GHR: variants seen among roughly 807,000 people sequenced by gnomAD.
GHR encodes growth hormone receptor, also known as GH receptor.
A neutral mutation model predicts 67.1 loss-of-function variants in GHR; 35 were observed. The ratio of observed to expected loss-of-function variants is 0.52; its 90% CI spans 0.40 to 0.69. The LOEUF is 0.69. GHR is among the 30% of genes least tolerant of loss of function. GHR has a pLI of 0.00. For missense variants in GHR, 792 were observed against 764.6 expected, an observed-to-expected ratio of 1.04 and a Z score of -0.42; for synonymous variants, 272 against 269.1, an observed-to-expected ratio of 1.01 and a Z score of -0.10.
At chr5:42,531,111 T>G (rs1314013417) in intron 1 of GHR, among the ~76,000 whole-genome samples, 1 of 151,842 alleles carries the variant, frequency 6.6e-6, no homozygotes, top group Admixed American at 6.6e-5. Context: ...CTACTAAAAA[T>G]ACAAAAATTA....
chr5:42,689,164 T>A (rs772930488), intron 4 of GHR, 145 bp downstream of exon 4: 2 of 824,852 alleles, frequency 2.4e-6, no homozygotes, highest in Non-Finnish European at 4.2e-6. Flanking sequence ...TTGAAAAAAA[T>A]ATTAATCAAG....
chr5:42,604,680 G>A (rs62371990), intron 2 of GHR, among the ~76,000 whole-genome samples: 34,766 of 150,390 alleles, frequency 0.23, 4,827 homozygotes, highest in Non-Finnish European at 0.29. Flanking sequence ...TTATGAGCCA[G>A]GAACTGTGGA....
At chr5:42,548,920 G>C (rs1235037084) in intron 1 of GHR, among the ~76,000 whole-genome samples, 1 of 152,200 alleles carries the variant, frequency 6.6e-6, no homozygotes, top group East Asian at 1.9e-4. Flanking sequence ...GATACATTTT[G>C]AGAAAGTCAA....
intron 9 of GHR, 151 bp from the exon 10 acceptor site, chr5:42,718,302 T>C: frequency 5.4e-6 from 4 of 740,892 alleles, no homozygotes; most frequent in Non-Finnish European, 6.7e-6. Context: ...CATATGTATT[T>C]AAAAAGTTAC....
At chr5:42,715,300 A>C (rs938368626) in intron 8 of GHR, among the ~76,000 whole-genome samples, 1 of 152,254 alleles carries the variant, frequency 6.6e-6, no homozygotes, top group Non-Finnish European at 1.5e-5. Flanking sequence ...TTTGTCAGCA[A>C]GTATGGACAG....
intron 2 of GHR, among the ~76,000 whole-genome samples, chr5:42,618,941 A>G (rs1003681706): frequency 6.6e-6 from 1 of 152,124 alleles, no homozygotes; most frequent in African/African-American, 2.4e-5. Context: ...TGCCTAGTAT[A>G]GTGCCTTGCA....
intron 1 of GHR, among the ~76,000 whole-genome samples, chr5:42,532,522 GC>G (rs1748021192): frequency 6.6e-6 from 1 of 151,912 alleles, no homozygotes; most frequent in Non-Finnish European, 1.5e-5. Context: ...AAATTTGAAG[GC>G]CCCCGTTTTA....
chr5:42,437,973 C>A (rs1051504428), intron 1 of GHR, among the ~76,000 whole-genome samples: 1 of 151,304 alleles, frequency 6.6e-6, no homozygotes, highest in Non-Finnish European at 1.5e-5. Context: ...CCTCTGATTT[C>A]TAGAGAAAAA....
chr5:42,463,790 G>A (rs994492470), intron 1 of GHR, among the ~76,000 whole-genome samples: 8 of 150,906 alleles, frequency 5.3e-5, no homozygotes, highest in East Asian at 1.9e-4. Flanking sequence ...TCAGGAGATC[G>A]AGACCATCCC....
chr5:42,582,839 A>G (rs373981170), intron 2 of GHR, among the ~76,000 whole-genome samples: 1 of 152,222 alleles, frequency 6.6e-6, no homozygotes, highest in Non-Finnish European at 1.5e-5. Flanking sequence ...GCAGGCTTGC[A>G]TGGAGCTGGT....
intron 1 of GHR, among the ~76,000 whole-genome samples, chr5:42,538,580 C>CAG (rs1048037187): frequency 1.3e-5 from 2 of 152,104 alleles, no homozygotes; most frequent in African/African-American, 4.8e-5. Flanking sequence ...ATAGGTTACC[C>CAG]AGTGCTTTTG....
At chr5:42,691,268 T>G (rs1034938158) in intron 4 of GHR, among the ~76,000 whole-genome samples, 6 of 152,362 alleles carry the variant, frequency 3.9e-5, no homozygotes, top group Admixed American at 3.9e-4. Context: ...TACAGCTTCA[T>G]GATTAAGTGC....
At chr5:42,495,320 G>GA (rs1474218922) in intron 1 of GHR, among the ~76,000 whole-genome samples, 3 of 152,016 alleles carry the variant, frequency 2.0e-5, no homozygotes, top group Non-Finnish European at 4.4e-5. Context: ...ACTCCTTTGA[G>GA]AGTGACATGG....
At position 42,564,460 on chromosome 5, in the gene GHR, G is replaced by A. The variant is rs12520276; in HGVS notation, c.-11-1404G>A. 0.012 allele frequency among the ~76,000 whole-genome samples: 1,862 copies of A among 152,242 alleles called. 82 individuals are homozygous for A. In the East Asian group the frequency reaches 0.14, roughly 12 times the overall value. On this transcript the variant is annotated intron_variant, in intron 1 of 9. Transcript: ENST00000230882. The stretch of plus-strand genomic sequence containing the variant: ...CATGTTTACACTCAATCCTATGAAC[G>A]ACTCCATGAAGTAGTGTATGAAGGA...
chr5:42,500,465 C>T (rs574165527), intron 1 of GHR, among the ~76,000 whole-genome samples: 39 of 152,244 alleles, frequency 2.6e-4, no homozygotes, highest in Non-Finnish European at 5.6e-4. Flanking sequence ...ACTTACTTAA[C>T]AGGGTTGTTA....
intron 2 of GHR, among the ~76,000 whole-genome samples, chr5:42,620,308 G>A (rs1753378798): frequency 6.6e-6 from 1 of 152,034 alleles, no homozygotes; most frequent in South Asian, 2.1e-4. Context: ...AACATTTTTT[G>A]AAAGTTAAAT....
intron 1 of GHR, among the ~76,000 whole-genome samples, chr5:42,438,633 A>G (rs1265607926): frequency 6.6e-6 from 1 of 152,212 alleles, no homozygotes; most frequent in Non-Finnish European, 1.5e-5. Context: ...TGGATCCTAC[A>G]GACAGCTTCA....
intron 1 of GHR, among the ~76,000 whole-genome samples, chr5:42,440,750 G>A (rs1743530326): frequency 6.6e-6 from 1 of 152,192 alleles, no homozygotes; most frequent in South Asian, 2.1e-4. Flanking sequence ...GGACCAGGGT[G>A]ATGATGCTGA....
chr5:42,498,269 C>G (rs1322197959), intron 1 of GHR, among the ~76,000 whole-genome samples: 5 of 152,120 alleles, frequency 3.3e-5, no homozygotes, highest in Non-Finnish European at 7.4e-5. Flanking sequence ...TAGACAGAAG[C>G]CTGCTTTGAA....
Sources: allele counts gnomAD v4.1 joint callset (sites outside exome capture counted in the v4.1 genomes callset), GRCh38; gene constraint gnomAD v4.1.1; transcripts MANE v1.5; gene names NCBI Gene and HGNC (gene_info 2026-07-23, HGNC 2026-07-21).